Variants in CCDC187 observed in about 807,000 individuals in gnomAD.
CCDC187 encodes coiled-coil domain-containing protein 187.
Under a neutral mutation model 38.0 loss-of-function variants are expected in CCDC187, and 32 were observed. That is an observed-to-expected ratio of 0.84 (90% confidence interval 0.64 to 1.13). CCDC187 has a LOEUF of 1.13. Among genes scored for constraint, CCDC187 ranks in the 50% most tolerant of loss-of-function variants. The pLI, the probability that CCDC187 is intolerant of heterozygous loss-of-function variation, is 0.00. For missense variants in CCDC187, 707 were observed against 786.8 expected, an observed-to-expected ratio of 0.90 and a Z score of 1.21; for synonymous variants, 333 against 347.9, an observed-to-expected ratio of 0.96 and a Z score of 0.48.
intron 25 of CCDC187, 23 bp from the exon 26 acceptor site, chr9:136,255,157 G>A (rs2131104081): frequency 1.0e-6 from 1 of 982,148 alleles, no homozygotes; most frequent in Non-Finnish European, 1.2e-6. Flanking sequence ...GCAATCAACA[G>A]TGGTCACCCT....
rs1830546188 is a variant in CCDC187, at chr9:136,251,980, GCGGAGCCGGCCGCC to G, written c.*1600_*1613del. 6 of 103,600 alleles carry G rather than the reference GCGGAGCCGGCCGCC, an allele frequency of 5.8e-5. No homozygotes were observed. Among genetic ancestry groups the G allele is most frequent in the Admixed American group, 5.4e-4 (6 of 11,028 alleles). 6.4% of individuals were successfully genotyped at this position (103,600 alleles called of 1,614,324 possible). A position where few individuals can be genotyped will look rare whatever the true frequency, so the allele number is the denominator to read the frequency against. ...CCGGGAAGGTCCAGGCGACCGTCCC[GCGGAGCCGGCCGCC>G]CACCTGGTCCACCCTGGGAAGAGCC... On this transcript the variant is annotated 3_prime_UTR_variant, in exon 26 of 26. Coordinates refer to ENST00000638797, the MANE Select transcript of CCDC187 (RefSeq NM_001378188.1).
chr9:136,272,823 G>A (rs567805080), intron 14 of CCDC187, among the ~76,000 whole-genome samples: 75 of 151,286 alleles, frequency 5.0e-4, no homozygotes, highest in African/African-American at 1.8e-3. Context: ...GCAGTGAGCC[G>A]AGATCTCACC....
intron 4 of CCDC187, among the ~76,000 whole-genome samples, chr9:136,293,035 G>A (rs1207405084): frequency 2.6e-5 from 4 of 152,240 alleles, no homozygotes; most frequent in African/African-American, 9.7e-5. Context: ...GCCCAGCTGC[G>A]AGGGCCCTGG....
At chr9:136,294,102 G>T (rs1831470555) in intron 4 of CCDC187, among the ~76,000 whole-genome samples, 1 of 115,454 alleles carries the variant, frequency 8.7e-6, no homozygotes, top group Non-Finnish European at 1.7e-5. Context: ...GCCCTCAAGT[G>T]CTCACACTCA....
chr9:136,271,508 G>A (rs548419865), intron 14 of CCDC187, among the ~76,000 whole-genome samples: 33 of 151,870 alleles, frequency 2.2e-4, no homozygotes, highest in East Asian at 2.1e-3. Context: ...GCAACAGAGC[G>A]AGACTCTGTC....
chr9:136,293,716 A>G (rs901204612), intron 4 of CCDC187, among the ~76,000 whole-genome samples: 10 of 151,818 alleles, frequency 6.6e-5, no homozygotes, highest in Non-Finnish European at 1.3e-4. Flanking sequence ...ACATGCTTTC[A>G]CATGCTCACT....
chr9:136,298,044 C>G (rs1004019056), intron 3 of CCDC187, among the ~76,000 whole-genome samples: 2 of 151,026 alleles, frequency 1.3e-5, no homozygotes, highest in Non-Finnish European at 2.9e-5. Flanking sequence ...TGCCTGGGGA[C>G]TGCCGCTGGG....
In CCDC187 at chr9:136,256,267, A is replaced by C; in HGVS notation, c.4560T>G (p.Ala1520=). 1 of 985,594 alleles carries C rather than the reference A, an allele frequency of 1.0e-6. No individual in the cohort carries two copies. Among genetic ancestry groups the C allele is most frequent in the African/African-American group, 1.7e-5 (1 of 57,346 alleles). The allele number at this position is 985,594 out of a possible 1,614,324, so 61.1% of individuals were successfully genotyped here. Residue 1520 remains alanine (A), a synonymous_variant, in exon 24 of 26, where the codon GCT becomes GCG. Coordinates refer to ENST00000638797, the MANE Select transcript of CCDC187 (RefSeq NM_001378188.1). ...CCTGGGACTCCTCCACGGGGCTCTCAGCAAAATCCAGCCCCGATTCCAAGC... is the reference window on the plus strand; with the variant it reads ...CCTGGGACTCCTCCACGGGGCTCTCCGCAAAATCCAGCCCCGATTCCAAGC... The part of the protein sequence containing the change: ...EEGLESGLDF[A]ESPVEESQET...
At chr9:136,301,974 G>A (rs988802830) in intron 2 of CCDC187, among the ~76,000 whole-genome samples, 68 of 152,172 alleles carry the variant, frequency 4.5e-4, no homozygotes, top group Non-Finnish European at 8.2e-4. Flanking sequence ...CACTTTGGGA[G>A]GCCGAGGTGG....
chr9:136,267,583 AG>A, intron 15 of CCDC187, 72 bp from the exon 16 acceptor site: 1 of 985,554 alleles, frequency 1.0e-6, no homozygotes, highest in Non-Finnish European at 1.2e-6. Flanking sequence ...GGGCTCCAGT[AG>A]GGTGGGCCGC....
intron 18 of CCDC187, among the ~76,000 whole-genome samples, chr9:136,263,325 C>T (rs1210174513): frequency 1.3e-5 from 2 of 151,842 alleles, no homozygotes; most frequent in African/African-American, 4.8e-5. Flanking sequence ...ACTCCGCCCC[C>T]CGGGGTTCAT....
Position 136,254,317 on chromosome 9 carries a change from G to T in CCDC187, c.5511C>A (p.Ser1837=). The T allele has an allele frequency of 1.0e-6, 1 of 977,750 alleles. No homozygotes were observed. Among genetic ancestry groups the T allele is most frequent in the Non-Finnish European group, 1.2e-6 (1 of 823,048 alleles). The allele number at this position is 977,750 out of a possible 1,614,324, so 60.6% of individuals were successfully genotyped here. ...SGMEPQVALP[S]PWPGEGLEAS... is the part of the protein sequence containing the mutation. ...CTTCCAGCCCCTCCCCAGGCCATGG[G>T]GACGGAAGAGCCACCTGGGGCTCCA... The change falls in exon 26 of 26, where the codon TCC becomes TCA. Residue 1837 remains serine (S), a synonymous_variant. Transcript: ENST00000638797.
intron 21 of CCDC187, 52 bp downstream of exon 21, chr9:136,259,311 G>A (rs1201209982): frequency 1.3e-6 from 1 of 786,884 alleles, no homozygotes; most frequent in Non-Finnish European, 1.5e-6. Flanking sequence ...GGGGGGGGGT[G>A]GTCCCTGAAA....
intron 8 of CCDC187, 109 bp from the exon 9 acceptor site, chr9:136,285,715 G>T (rs956122153): frequency 7.5e-6 from 3 of 397,622 alleles, no homozygotes; most frequent in African/African-American, 2.1e-5. Context: ...TGACAGGGGT[G>T]GGGGTGTGGC....
chr9:136,256,218 C>A lies in CCDC187; in HGVS notation c.4609G>T (p.Glu1537Ter). ...SQETESWRSG[E>*]QRTEACQQEV... ...GGGAGCTCAGCCCCACACCTCTGCT[C>A]CCCCGATCGCCAGCTCTCGGTTTCC... The change falls in exon 24 of 26, where the codon GAG becomes TAG. Residue 1537 changes from glutamate to a stop codon, truncating the protein, a stop_gained. Coordinates refer to ENST00000638797, the MANE Select transcript of CCDC187 (RefSeq NM_001378188.1). LOFTEE classifies it high-confidence loss of function. 1 of 985,572 alleles carries A rather than the reference C, an allele frequency of 1.0e-6. No individual in the cohort carries two copies. The highest frequency in any genetic ancestry group is 1.2e-6 in the Non-Finnish European group (1 of 830,040). The allele number at this position is 985,572 out of a possible 1,614,324, so 61.1% of individuals were successfully genotyped here. A position where few individuals can be genotyped will look rare whatever the true frequency, so the allele number is the denominator to read the frequency against.
chr9:136,275,710 A>G (rs1489044952), intron 12 of CCDC187, among the ~76,000 whole-genome samples: 1 of 152,144 alleles, frequency 6.6e-6, no homozygotes, highest in Non-Finnish European at 1.5e-5. Context: ...CTCATGGGGC[A>G]GGTGCTGAGC....
In CCDC187 at chr9:136,292,358, C is replaced by T. The variant is rs896308991; in HGVS notation, c.833-63G>A. ...ATGGCCCTCTGGGCACTGGCCCGGA[C>T]GGGGAGGTTGGTGGCTCTGCAAGCG... On this transcript the variant is annotated intron_variant, in intron 4 of 25. Coordinates refer to ENST00000638797, the MANE Select transcript of CCDC187 (RefSeq NM_001378188.1). The T allele has an allele frequency of 4.6e-4, 185 of 398,364 alleles. 2 individuals are homozygous for T. Among genetic ancestry groups the T allele is most frequent in the African/African-American group, 3.5e-3 (171 of 48,740 alleles). The allele number at this position is 398,364 out of a possible 1,614,324, so 24.7% of individuals were successfully genotyped here. A position where few individuals can be genotyped will look rare whatever the true frequency, so the allele number is the denominator to read the frequency against.
At chr9:136,295,195 C>T (rs1378014822) in intron 4 of CCDC187, among the ~76,000 whole-genome samples, 1 of 152,200 alleles carries the variant, frequency 6.6e-6, no homozygotes, top group African/African-American at 2.4e-5. Context: ...AGGGGAGCCC[C>T]GGTGGGGTTT....
In CCDC187 at chr9:136,267,601, G is replaced by T. The variant is rs976503726; in HGVS notation, c.3520-90C>A. 5.1e-6 allele frequency: 5 copies of T among 985,412 alleles called. No homozygotes were observed. The South Asian group carries it at 2.3e-4, about 46-fold the overall frequency. 61.0% of individuals were successfully genotyped at this position (985,412 alleles called of 1,614,324 possible). A position where few individuals can be genotyped will look rare whatever the true frequency, so the allele number is the denominator to read the frequency against. ...CTCCAGTAGGGTGGGCCGCGTCACC[G>T]CCTAGCTTCTAGACCGCTCCCAGCA... On this transcript the variant is annotated intron_variant, in intron 15 of 25. Coordinates refer to ENST00000638797, the MANE Select transcript of CCDC187 (RefSeq NM_001378188.1).
Sources: gnomAD v4.1 joint callset for allele counts (sites outside exome capture counted in the v4.1 genomes callset) on GRCh38, gnomAD v4.1.1 for gene constraint, MANE v1.5 for transcripts, NCBI Gene and HGNC (gene_info 2026-07-23, HGNC 2026-07-21) for gene names.